FAM13A: variants seen among roughly 807,000 people sequenced by gnomAD.
The protein encoded by FAM13A is family with sequence similarity 13 member A.
Under a neutral mutation model 129.6 loss-of-function variants are expected in FAM13A, and 76 were observed. That is an observed-to-expected ratio of 0.59 (90% CI 0.49 to 0.71). The LOEUF (loss-of-function observed/expected upper bound fraction) is 0.71, where lower values mean the gene tolerates loss of function less well. Among genes scored for constraint, FAM13A ranks in the 30% least tolerant of loss-of-function variants. The pLI is 0.00. For synonymous variants in FAM13A, 443 were observed against 449.9 expected, an observed-to-expected ratio of 0.98 and a Z score of 0.20; for missense variants, 1,108 against 1,249.3, an observed-to-expected ratio of 0.89 and a Z score of 1.70.
chr4:88,791,608 ACCTAATAGT>A (rs1390353575), intron 8 of FAM13A, among the ~76,000 whole-genome samples: 1 of 152,134 alleles, frequency 6.6e-6, no homozygotes, highest in East Asian at 1.9e-4. Context: ...CTATAGTTCT[ACCTAATAGT>A]CCTAATAGTT....
intron 1 of FAM13A, among the ~76,000 whole-genome samples, chr4:89,036,808 T>A (rs954970419): frequency 4.6e-5 from 7 of 152,182 alleles, no homozygotes; most frequent in African/African-American, 1.7e-4. Flanking sequence ...CAGCCATGGC[T>A]AAAATGGCCC....
chr4:88,924,798 C>T (rs1467148310), intron 5 of FAM13A, among the ~76,000 whole-genome samples: 44 of 151,042 alleles, frequency 2.9e-4, no homozygotes, highest in African/African-American at 9.5e-4. Flanking sequence ...TTTTTGCAAC[C>T]TACTCATCTG....
intron 1 of FAM13A, among the ~76,000 whole-genome samples, chr4:89,033,099 G>T (rs1349161850): frequency 6.6e-6 from 1 of 151,608 alleles, no homozygotes; most frequent in Non-Finnish European, 1.5e-5. Context: ...AAATTAGCCA[G>T]AACTCATTTC....
intron 1 of FAM13A, among the ~76,000 whole-genome samples, chr4:89,056,508 A>G (rs1772209908): frequency 6.6e-6 from 1 of 152,224 alleles, no homozygotes; most frequent in African/African-American, 2.4e-5. Context: ...AAACGAAAAT[A>G]GAAATATAAA....
At chr4:88,747,904 T>C in intron 17 of FAM13A, 53 bp from the exon 18 acceptor site, 1 of 1,314,766 alleles carries the variant, frequency 7.6e-7, no homozygotes. Context: ...TATTTATTTA[T>C]TTTGAGATGG....
intron 3 of FAM13A, among the ~76,000 whole-genome samples, chr4:89,000,094 G>A (rs1764048168): frequency 6.6e-6 from 1 of 152,026 alleles, no homozygotes; most frequent in Non-Finnish European, 1.5e-5. Context: ...GAGCTGCTGG[G>A]TATCCTGCTT....
intron 19 of FAM13A, among the ~76,000 whole-genome samples, chr4:88,745,703 G>A (rs1383994860): frequency 1.3e-5 from 2 of 152,108 alleles, no homozygotes; most frequent in African/African-American, 2.4e-5. Flanking sequence ...GTTTCACAGT[G>A]TATTTGAGCT....
chr4:88,755,087 C>G (rs913845649), intron 14 of FAM13A, among the ~76,000 whole-genome samples: 4 of 152,092 alleles, frequency 2.6e-5, no homozygotes, highest in African/African-American at 9.7e-5. Context: ...CACCATTTCC[C>G]CAACCTAAAG....
intron 7 of FAM13A, among the ~76,000 whole-genome samples, chr4:88,837,594 T>G (rs895659793): frequency 2.6e-5 from 4 of 151,330 alleles, no homozygotes; most frequent in African/African-American, 9.7e-5. Context: ...GGCACATGCC[T>G]GTAATCCCAG....
At chr4:88,829,819 G>C (rs1733589247) in intron 7 of FAM13A, among the ~76,000 whole-genome samples, 1 of 152,228 alleles carries the variant, frequency 6.6e-6, no homozygotes, top group Non-Finnish European at 1.5e-5. Flanking sequence ...TGGAAATGAA[G>C]AAGTCAATTA....
In FAM13A at chr4:88,991,126, C is replaced by T; in HGVS notation, c.452G>A (p.Ser151Asn). The T allele has an allele frequency of 6.2e-7, 1 of 1,612,174 alleles. No homozygotes were observed. The highest frequency in any genetic ancestry group is 8.5e-7 in the Non-Finnish European group (1 of 1,179,216). Residue 151 changes from serine to asparagine, a missense_variant, in exon 4 of 24, where the codon AGT (serine) becomes AAT (asparagine). Ser to Asn is a conservative substitution (Grantham distance 46). This residue lies in a region of FAM13A where 566 missense variants were observed against 595.7 expected (regional missense o/e 0.95). Transcript: ENST00000264344. ...FQDGRNDVQE[S>N]SLRDLIKELP... Reference sequence around the variant, plus strand: ...CTCTTTTATTAAGTCTCTTAAGCTACTCTCCTGAACATCATTTCTGCCATC... The same window carrying T: ...CTCTTTTATTAAGTCTCTTAAGCTATTCTCCTGAACATCATTTCTGCCATC...
intron 5 of FAM13A, among the ~76,000 whole-genome samples, chr4:88,919,695 C>T (rs1216785638): frequency 3.3e-5 from 5 of 152,054 alleles, no homozygotes; most frequent in East Asian, 1.9e-4. Context: ...AGACAGTGGG[C>T]GCAGGACAGT....
chr4:88,929,893 A>T (rs1222771532), intron 5 of FAM13A, among the ~76,000 whole-genome samples: 2 of 152,138 alleles, frequency 1.3e-5, no homozygotes, highest in Non-Finnish European at 2.9e-5. Flanking sequence ...GTGTACCACC[A>T]TGCCCAGCTA....
intron 8 of FAM13A, among the ~76,000 whole-genome samples, chr4:88,799,719 G>A (rs1005231582): frequency 6.6e-6 from 1 of 152,186 alleles, no homozygotes. Flanking sequence ...TCCTGACCTT[G>A]TGATCCACCC....
chr4:88,782,739 T>C (rs1260689247), intron 10 of FAM13A, among the ~76,000 whole-genome samples: 1 of 152,160 alleles, frequency 6.6e-6, no homozygotes, highest in African/African-American at 2.4e-5. Flanking sequence ...ATAAGAGATA[T>C]TCTAAGTACA....
intron 15 of FAM13A, among the ~76,000 whole-genome samples, chr4:88,750,173 C>T (rs1179831931): frequency 6.6e-6 from 1 of 152,084 alleles, no homozygotes; most frequent in Non-Finnish European, 1.5e-5. Context: ...TCCTGTGGGC[C>T]TACAAGAGCT....
chr4:88,964,136 C>G (rs1039080474), intron 4 of FAM13A, among the ~76,000 whole-genome samples: 1 of 152,216 alleles, frequency 6.6e-6, no homozygotes, highest in Admixed American at 6.5e-5. Flanking sequence ...CAGAGTGGAT[C>G]TGCATTTCTT....
At chr4:88,746,246 G>A (rs1218577911) in intron 19 of FAM13A, among the ~76,000 whole-genome samples, 1 of 152,180 alleles carries the variant, frequency 6.6e-6, no homozygotes, top group African/African-American at 2.4e-5. Context: ...GTTATTAAGA[G>A]TGACTGACAA....
At chr4:89,022,632 T>A (rs1767422905) in intron 2 of FAM13A, among the ~76,000 whole-genome samples, 2 of 152,130 alleles carry the variant, frequency 1.3e-5, no homozygotes, top group South Asian at 4.1e-4. Context: ...CCCCTCTACT[T>A]GAGTGTGGGC....
Sources: gnomAD v4.1 joint callset for allele counts (sites outside exome capture counted in the v4.1 genomes callset) on GRCh38, gnomAD v4.1.1 for gene constraint, gnomAD v4.1.1 regional missense constraint, MANE v1.5 for transcripts, NCBI Gene and HGNC (gene_info 2026-07-23, HGNC 2026-07-21) for gene names.